CTNNA2: variants seen among roughly 807,000 people sequenced by gnomAD.
CTNNA2 encodes the protein catenin alpha-2.
CTNNA2 carries 42 observed loss-of-function variants against 101.0 expected under a neutral mutation model. That is an observed-to-expected ratio of 0.42 (90% CI 0.32 to 0.54). The LOEUF (loss-of-function observed/expected upper bound fraction) is 0.54. CTNNA2 is among the 20% of genes least tolerant of loss of function. The probability of loss-of-function intolerance (pLI) is 0.14; values close to 1 mark genes in which losing one functional copy is unlikely to be tolerated. For synonymous variants in CTNNA2, 450 were observed against 456.4 expected (o/e 0.99, Z 0.18); for missense variants, 871 against 1,223.1 (o/e 0.71, Z 4.29).
chr2:79,280,932 G>A (rs1341439422), intron 2 of CTNNA2, among the ~76,000 whole-genome samples: 6 of 152,006 alleles, frequency 3.9e-5, no homozygotes, highest in Non-Finnish European at 8.8e-5. Flanking sequence ...GGATCACTTT[G>A]AAGCTCTGTT....
intron 7 of CTNNA2, among the ~76,000 whole-genome samples, chr2:79,952,281 C>T (rs1380872394): frequency 1.3e-5 from 2 of 152,124 alleles, no homozygotes; most frequent in Non-Finnish European, 2.9e-5. Flanking sequence ...TTCTACCAAG[C>T]CACCCCACAC....
intron 4 of CTNNA2, among the ~76,000 whole-genome samples, chr2:79,440,067 G>A (rs889379933): frequency 6.6e-6 from 1 of 151,892 alleles, no homozygotes; most frequent in Non-Finnish European, 1.5e-5. Context: ...TGATATAAAG[G>A]TATGTTATCC....
At chr2:79,316,730 T>G (rs1676506302) in intron 3 of CTNNA2, among the ~76,000 whole-genome samples, 1 of 151,890 alleles carries the variant, frequency 6.6e-6, no homozygotes, top group Admixed American at 6.6e-5. Flanking sequence ...ATCTCTAGTA[T>G]AAAGAAATAC....
In CTNNA2 at chr2:79,886,913, G is replaced by A. The variant is rs570992490; in HGVS notation, c.852+12571G>A. ...ATGATCTCAACTCACTGCAACCTCT[G>A]CCTCAAGTAATCTTCCCACCTCAGC... On this transcript the variant is annotated intron_variant, in intron 6 of 18. Coordinates refer to ENST00000402739, the MANE Select transcript of CTNNA2 (RefSeq NM_001282597.3). Among the ~76,000 whole-genome samples the A allele has an allele frequency of 2.0e-5, 3 of 151,858 alleles. No homozygotes were observed. In the East Asian group the frequency reaches 5.9e-4, roughly 30 times the overall value.
chr2:80,565,654 A>G lies in CTNNA2; in HGVS notation c.1742-8509A>G, dbSNP rs142136781. 2.4e-3 allele frequency among the ~76,000 whole-genome samples: 361 copies of G among 152,122 alleles called. 3 individuals carry two copies. The highest frequency in any genetic ancestry group is 7.2e-3 in the African/African-American group (299 of 41,514). On this transcript the variant is annotated intron_variant, in intron 12 of 18. Coordinates refer to ENST00000402739, the MANE Select transcript of CTNNA2 (RefSeq NM_001282597.3). ...AAGTCATGGTGTGAAGACAGCCCCA[A>G]GAAGCATTTACTATGGCTCTTTCAT...
At chr2:79,800,807 A>T (rs1416002248) in intron 3 of CTNNA2, among the ~76,000 whole-genome samples, 2 of 152,148 alleles carry the variant, frequency 1.3e-5, no homozygotes, top group African/African-American at 4.8e-5. Context: ...TATTTAGGGG[A>T]CTTACCAGAT....
At chr2:80,200,520 G>T (rs1707130476) in intron 7 of CTNNA2, among the ~76,000 whole-genome samples, 1 of 91,410 alleles carries the variant, frequency 1.1e-5, no homozygotes, top group Non-Finnish European at 1.9e-5. Flanking sequence ...ATTAAAGTGA[G>T]TTTGTTTGTT....
At chr2:79,764,643 G>T (rs942989024) in intron 3 of CTNNA2, among the ~76,000 whole-genome samples, 1 of 152,152 alleles carries the variant, frequency 6.6e-6, no homozygotes, top group Non-Finnish European at 1.5e-5. Flanking sequence ...AGCCTTGTTG[G>T]TTCTCCAAAA....
At chr2:79,866,532 C>T (rs1288673735) in intron 4 of CTNNA2, 1 of 152,202 alleles carries the variant, frequency 6.6e-6, no homozygotes, top group Non-Finnish European at 1.5e-5. Context: ...TTCCAAACCT[C>T]CCCCTTATCA....
At chr2:79,711,190 C>G (rs1343354961) in intron 2 of CTNNA2, among the ~76,000 whole-genome samples, 1 of 152,132 alleles carries the variant, frequency 6.6e-6, no homozygotes, top group Non-Finnish European at 1.5e-5. Flanking sequence ...ATGGCAGTCT[C>G]TCAACTGATA....
intron 7 of CTNNA2, among the ~76,000 whole-genome samples, chr2:80,216,918 T>G (rs553648072): frequency 2.0e-5 from 3 of 151,128 alleles, no homozygotes; most frequent in African/African-American, 7.3e-5. Context: ...GCTTACTGCA[T>G]CTTGTGCCTC....
intron 7 of CTNNA2, among the ~76,000 whole-genome samples, chr2:80,072,593 C>A (rs1475606902): frequency 2.6e-5 from 4 of 152,122 alleles, no homozygotes; most frequent in Non-Finnish European, 5.9e-5. Flanking sequence ...AAAAGCCCTG[C>A]CACTAAGACA....
chr2:79,916,023 T>C (rs1686177499), intron 7 of CTNNA2, among the ~76,000 whole-genome samples: 1 of 152,234 alleles, frequency 6.6e-6, no homozygotes, highest in Non-Finnish European at 1.5e-5. Context: ...TACTTAAGAA[T>C]AAGGCTCATC....
At chr2:80,504,783 T>C (rs2149539116) in intron 9 of CTNNA2, among the ~76,000 whole-genome samples, 1 of 152,298 alleles carries the variant, frequency 6.6e-6, no homozygotes, top group Non-Finnish European at 1.5e-5. Context: ...TGACCTAGGG[T>C]CAATTCATAA....
chr2:80,472,383 G>C (rs947477515), intron 9 of CTNNA2, among the ~76,000 whole-genome samples: 2 of 152,122 alleles, frequency 1.3e-5, no homozygotes, highest in African/African-American at 4.8e-5. Flanking sequence ...GAGGGAGGTC[G>C]TGGAGAAGGT....
chr2:79,945,937 T>C (rs1158291330), intron 7 of CTNNA2, among the ~76,000 whole-genome samples: 2 of 152,074 alleles, frequency 1.3e-5, no homozygotes, highest in Non-Finnish European at 2.9e-5. Flanking sequence ...GCAGAAAACA[T>C]GGGGTAACTA....
chr2:79,378,502 T>C (rs539293318), intron 4 of CTNNA2, among the ~76,000 whole-genome samples: 11 of 152,294 alleles, frequency 7.2e-5, no homozygotes, highest in African/African-American at 2.4e-4. Context: ...TCCAAAGACA[T>C]AGTTTCCTGT....
intron 4 of CTNNA2, among the ~76,000 whole-genome samples, chr2:79,439,975 A>G (rs1357165325): frequency 6.6e-6 from 1 of 152,164 alleles, no homozygotes; most frequent in Non-Finnish European, 1.5e-5. Context: ...TAATAATAAT[A>G]AATAATATTG....
At chr2:80,641,131 C>G (rs369275355) in intron 18 of CTNNA2, among the ~76,000 whole-genome samples, 2 of 152,208 alleles carry the variant, frequency 1.3e-5, no homozygotes, top group South Asian at 2.1e-4. Context: ...TAGCAAGGCC[C>G]AAATGGAACT....
Sources: gnomAD v4.1 joint callset for allele counts (sites outside exome capture counted in the v4.1 genomes callset) on GRCh38, gnomAD v4.1.1 for gene constraint, MANE v1.5 for transcripts, NCBI Gene and HGNC (gene_info 2026-07-23, HGNC 2026-07-21) for gene names.